TDG: variants seen among roughly 807,000 people sequenced by gnomAD.
TDG encodes G/T mismatch-specific thymine DNA glycosylase.
Under a neutral mutation model 46.1 loss-of-function variants are expected in TDG, and 23 were observed. The ratio of observed to expected loss-of-function variants is 0.50; its 90% CI spans 0.36 to 0.71. TDG has a LOEUF of 0.71. TDG is among the 30% of genes least tolerant of loss of function. The pLI is 0.00. For synonymous variants in TDG, 115 were observed against 161.3 expected (o/e 0.71, Z 2.18); for missense variants, 304 against 486.7 (o/e 0.62, Z 3.53).
intron 1 of TDG, among the ~76,000 whole-genome samples, chr12:103,974,974 CAA>C (rs34864393): frequency 2.5e-4 from 19 of 77,224 alleles, no homozygotes; most frequent in African/African-American, 6.1e-4. Context: ...GACTCCGTCT[CAA>C]AAAAAAAAAA....
At position 103,987,141 on chromosome 12, in the gene TDG, C is replaced by G; in HGVS notation, c.*51C>G. ...AATGCTGCAGTTTTAATGCAGTTGT[C>G]AACAAGTAGAACCTCAGTTTGCTAA... On this transcript the variant is annotated 3_prime_UTR_variant, in exon 10 of 10. Transcript: ENST00000392872. 1 of 1,596,870 alleles carries G rather than the reference C, an allele frequency of 6.3e-7. No homozygotes were observed. Among genetic ancestry groups the G allele is most frequent in the Non-Finnish European group, 8.6e-7 (1 of 1,167,668 alleles).
At position 103,985,623 on chromosome 12, in the gene TDG, G is replaced by C. The variant is rs776490263; in HGVS notation, c.985G>C (p.Val329Leu). Residue 329 changes from valine to leucine, a missense_variant, in exon 9 of 10, where the codon GTT (valine) becomes CTT (leucine). Physicochemically the swap from Val to Leu is conservative, Grantham distance 32. Transcript: ENST00000392872. Reference protein sequence around the residue: ...LAQEDAKKMAVKEEKYDPGYE... With the variant: ...LAQEDAKKMALKEEKYDPGYE... ...CACAGAGGATGCAAAGAAGATGGCTGTTAAGGAAGAAAAATATGATCCAGG... is the reference window on the plus strand; with the variant it reads ...CACAGAGGATGCAAAGAAGATGGCTCTTAAGGAAGAAAAATATGATCCAGG... The C allele has an allele frequency of 6.2e-7, 1 of 1,614,024 alleles. No homozygotes were observed. Among genetic ancestry groups the C allele is most frequent in the Non-Finnish European group, 8.5e-7 (1 of 1,179,864 alleles).
rs1593516864 is a variant in TDG, at chr12:103,982,697, C to T, written c.479-102C>T. The T allele has an allele frequency of 4.1e-6, 5 of 1,216,738 alleles. No individual in the cohort carries two copies. In the South Asian group the frequency reaches 6.2e-5, roughly 15 times the overall value. 75.4% of individuals were successfully genotyped at this position (1,216,738 alleles called of 1,614,324 possible). ...GGAGGATTGCTTGAGCCTCGGTGGT[C>T]GAGGCTGCACTGAGCCATGATCGTG... On this transcript the variant is annotated intron_variant, in intron 4 of 9. Transcript: ENST00000392872.
intron 4 of TDG, among the ~76,000 whole-genome samples, chr12:103,981,621 G>A (rs1174401053): frequency 2.0e-5 from 3 of 152,154 alleles, no homozygotes; most frequent in Non-Finnish European, 4.4e-5. Context: ...TTGTGGCAGT[G>A]CAGACATAAT....
rs1871565229 is a variant in TDG at position 103,976,771 on chromosome 12, TCTCTC to T, written c.24-142_24-138del. 4 of 948,162 alleles carry T rather than the reference TCTCTC, an allele frequency of 4.2e-6. No homozygotes were observed. In the East Asian group the frequency reaches 1.1e-4, roughly 25 times the overall value. The allele number at this position is 948,162 out of a possible 1,614,324, so 58.7% of individuals were successfully genotyped here. On this transcript the variant is annotated intron_variant, in intron 1 of 9. Transcript: ENST00000392872. ...GTGAACATGTACATACAGGACTAGA[TCTCTC>T]CTCTGTAATCCACTCTAAATAAATA... is the stretch of plus-strand genomic sequence containing the variant.
chr12:103,986,715 A>G, intron 9 of TDG: 1 of 379,788 alleles, frequency 2.6e-6, no homozygotes, highest in Non-Finnish European at 4.9e-6. Flanking sequence ...ACCGTCTCAA[A>G]AAGAAAAAAA....
intron 2 of TDG, among the ~76,000 whole-genome samples, chr12:103,977,646 T>C (rs1871604423): frequency 6.6e-6 from 1 of 152,222 alleles, no homozygotes; most frequent in South Asian, 2.1e-4. Context: ...ATTTATATTC[T>C]ATCATGAAGG....
At chr12:103,985,479 A>T in intron 8 of TDG, 124 bp from the exon 9 acceptor site, 1 of 1,132,224 alleles carries the variant, frequency 8.8e-7, no homozygotes, top group Non-Finnish European at 1.2e-6. Context: ...TTAAAAGATT[A>T]ATAGAGATGT....
chr12:103,985,807 G>A, intron 9 of TDG, 79 bp downstream of exon 9: 1 of 1,320,396 alleles, frequency 7.6e-7, no homozygotes. Context: ...TAGAAGGAGA[G>A]TAAATTATTG....
At chr12:103,970,166 A>G (rs1871230284) in intron 1 of TDG, among the ~76,000 whole-genome samples, 1 of 152,198 alleles carries the variant, frequency 6.6e-6, no homozygotes, top group South Asian at 2.1e-4. Context: ...AAGTGAAGAT[A>G]ATAAAATGTA....
At chr12:103,980,427 G>C (rs761924682) in intron 3 of TDG, 1 of 251,856 alleles carries the variant, frequency 4.0e-6, no homozygotes, top group African/African-American at 2.3e-5. Context: ...AATGATGCCT[G>C]TGGAGACCTG....
intron 1 of TDG, among the ~76,000 whole-genome samples, chr12:103,973,187 C>T (rs1871360594): frequency 6.8e-6 from 1 of 146,664 alleles, no homozygotes; most frequent in Admixed American, 7.2e-5. Flanking sequence ...TGGGTTCAAG[C>T]GATTCTCCTA....
At position 103,980,968 on chromosome 12, in the gene TDG, T is replaced by C. The variant is rs1350447969; in HGVS notation, c.478+6T>C. On this transcript the variant is annotated splice_donor_region_variant and intron_variant, in intron 4 of 9. Coordinates refer to ENST00000392872, the MANE Select transcript of TDG (RefSeq NM_003211.6). Reference sequence around the variant, plus strand: ...TGGACCTGGAAACCATTTTTGTAAGTGGTTACCTTTTAAATTAATTTACTT... The same window carrying C: ...TGGACCTGGAAACCATTTTTGTAAGCGGTTACCTTTTAAATTAATTTACTT... The C allele has an allele frequency of 6.2e-7, 1 of 1,607,600 alleles. No individual in the cohort carries two copies. The highest frequency in any genetic ancestry group is 8.5e-7 in the Non-Finnish European group (1 of 1,178,408).
At chr12:103,980,796 T>C in intron 3 of TDG, 97 bp from the exon 4 acceptor site, 1 of 1,018,150 alleles carries the variant, frequency 9.8e-7, no homozygotes, top group Non-Finnish European at 1.5e-6. Context: ...AAATTTGTAT[T>C]TTAATCAACT....
At chr12:103,979,739 C>A in intron 2 of TDG, 92 bp from the exon 3 acceptor site, 1 of 1,460,822 alleles carries the variant, frequency 6.8e-7, no homozygotes, top group Non-Finnish European at 9.1e-7. Flanking sequence ...GAGACAGGTA[C>A]AAAAGGTGCT....
chr12:103,984,715 A>C (rs1414724213), intron 7 of TDG, 34 bp from the exon 8 acceptor site: 10 of 1,414,196 alleles, frequency 7.1e-6, no homozygotes, highest in Non-Finnish European at 8.4e-6. Context: ...TAGAATTATA[A>C]GATTTCTGAA....
chr12:103,975,167 C>A (rs189587035), intron 1 of TDG, among the ~76,000 whole-genome samples: 216 of 152,236 alleles, frequency 1.4e-3, no homozygotes, highest in Middle Eastern at 0.014. Context: ...AACAGCAACA[C>A]CATGAGATAG....
intron 1 of TDG, among the ~76,000 whole-genome samples, chr12:103,967,333 A>G (rs1871087615): frequency 6.6e-6 from 1 of 152,208 alleles, no homozygotes; most frequent in African/African-American, 2.4e-5. Flanking sequence ...GAACTGTGGA[A>G]AATTCTGTGT....
chr12:103,973,786 T>C lies in TDG; in HGVS notation c.24-3132T>C, dbSNP rs181604296. On this transcript the variant is annotated intron_variant, in intron 1 of 9. Coordinates refer to ENST00000392872, the MANE Select transcript of TDG (RefSeq NM_003211.6). ...CTTATGTGTAGCCTTAGTTATACTA[T>C]TTTGTATTCTTTTCTGTTTTAAAAT... Among the ~76,000 whole-genome samples, 6 of 152,352 alleles carry C rather than the reference T, an allele frequency of 3.9e-5. No homozygotes were observed. In the East Asian group the frequency reaches 1.2e-3, roughly 29 times the overall value.
Sources: gnomAD v4.1 joint callset for allele counts (sites outside exome capture counted in the v4.1 genomes callset) on GRCh38, gnomAD v4.1.1 for gene constraint, MANE v1.5 for transcripts, NCBI Gene and HGNC (gene_info 2026-07-23, HGNC 2026-07-21) for gene names.